Variants in FCRL5 observed in about 807,000 individuals in gnomAD.
FCRL5 encodes the protein Fc receptor-like protein 5.
Under a neutral mutation model 92.1 loss-of-function variants are expected in FCRL5, and 79 were observed. That is an observed-to-expected ratio of 0.86 (90% CI 0.72 to 1.03). FCRL5 has a LOEUF of 1.03. Among genes scored for constraint, FCRL5 ranks in the 50% least tolerant of loss-of-function variants. The pLI is 0.00. For synonymous variants in FCRL5, 466 were observed against 469.3 expected, an observed-to-expected ratio of 0.99 and a Z score of 0.09; for missense variants, 1,160 against 1,181.1, an observed-to-expected ratio of 0.98 and a Z score of 0.26.
chr1:157,525,477 G>A (rs748443569), intron 9 of FCRL5, among the ~76,000 whole-genome samples: 9 of 152,208 alleles, frequency 5.9e-5, no homozygotes, highest in Non-Finnish European at 1.3e-4. Context: ...GCCATGAAAG[G>A]ATTTTGATCC....
At chr1:157,543,532 A>G (rs1651371236) in intron 5 of FCRL5, among the ~76,000 whole-genome samples, 1 of 152,192 alleles carries the variant, frequency 6.6e-6, no homozygotes, top group Non-Finnish European at 1.5e-5. Context: ...AGGAGAGACT[A>G]GGAGACCTGC....
intron 8 of FCRL5, chr1:157,528,605 A>G (rs1650548131): frequency 6.6e-6 from 1 of 152,274 alleles, no homozygotes; most frequent in Non-Finnish European, 1.5e-5. Context: ...TGGTACTGGT[A>G]TAAAAACAGA....
chr1:157,539,098 G>C lies in FCRL5; in HGVS notation c.1390C>G (p.Leu464Val). ...ACCCAGGGCTTACCAGTGACGGAGA[G>C]GCTCACCGCCTTACTGCGCTGGGGG... ...FGPQRSKAVSLSVTVPVSHPV... is the reference protein window; with the variant it reads ...FGPQRSKAVSVSVTVPVSHPV... The change falls in exon 7 of 17, where the codon CTC (leucine) becomes GTC (valine). Residue 464 changes from leucine (L) to valine (V), a missense_variant. Transcript: ENST00000361835. 5 of 1,613,438 alleles carry C rather than the reference G, an allele frequency of 3.1e-6. No individual in the cohort carries two copies. Among genetic ancestry groups the C allele is most frequent in the Non-Finnish European group, 4.2e-6 (5 of 1,179,806 alleles).
intron 15 of FCRL5, 112 bp from the exon 16 acceptor site, chr1:157,515,985 C>A (rs11800422): frequency 1.7e-6 from 2 of 1,147,418 alleles, no homozygotes; most frequent in Non-Finnish European, 2.6e-6. Context: ...TCCCTCTGTG[C>A]GGTGAGTAGC....
At chr1:157,519,209 G>C (rs185681672) in intron 13 of FCRL5, 1 of 174,582 alleles carries the variant, frequency 5.7e-6, no homozygotes, top group Non-Finnish European at 1.2e-5. Flanking sequence ...GCTATCGTGG[G>C]CTTGCCCAGG....
intron 15 of FCRL5, 57 bp from the exon 16 acceptor site, chr1:157,515,930 T>C (rs1002967): frequency 0.99 from 1,594,756 of 1,604,178 alleles, 793,117 homozygotes; most frequent in East Asian, 1. Flanking sequence ...TCTTCCCTTG[T>C]GCCTGCGCTG....
rs781497626 is a variant in FCRL5 at position 157,515,582 on chromosome 1, G to A, written c.*93C>T. On this transcript the variant is annotated 3_prime_UTR_variant, in exon 17 of 17. Transcript: ENST00000361835. ...CAAAGGCCAGTAGATATGGTCTGGG[G>A]CAGCCTAAATCTTCCCACTTCAATG... is the stretch of plus-strand genomic sequence containing the variant. 6.2e-7 allele frequency: 1 copy of A among 1,612,658 alleles called. No individual in the cohort carries two copies. The highest frequency in any genetic ancestry group is 2.2e-5 in the East Asian group (1 of 44,886).
At chr1:157,536,841 G>A (rs1388180496) in intron 7 of FCRL5, among the ~76,000 whole-genome samples, 1 of 152,196 alleles carries the variant, frequency 6.6e-6, no homozygotes, top group African/African-American at 2.4e-5. Flanking sequence ...AAGATTTCAT[G>A]GACATTTATT....
intron 7 of FCRL5, among the ~76,000 whole-genome samples, chr1:157,538,170 T>G (rs1218350564): frequency 6.6e-6 from 1 of 152,238 alleles, no homozygotes; most frequent in African/African-American, 2.4e-5. Context: ...TTAGGAGTAC[T>G]GTTCTTTTTC....
intron 8 of FCRL5, chr1:157,533,260 G>C (rs762934367): frequency 6.6e-6 from 1 of 151,850 alleles, no homozygotes; most frequent in Non-Finnish European, 1.5e-5. Context: ...ATTTTCTGAG[G>C]GTCTCCATTT....
chr1:157,551,110 C>T (rs749433315), intron 1 of FCRL5, among the ~76,000 whole-genome samples: 3 of 152,190 alleles, frequency 2.0e-5, no homozygotes, highest in East Asian at 1.9e-4. Flanking sequence ...TCTGCATTTA[C>T]GTAGGTTATT....
rs1650094754 is a variant in FCRL5, at chr1:157,519,789, G to A, written c.2633-19C>T. On this transcript the variant is annotated intron_variant, in intron 12 of 16. Transcript: ENST00000361835. The stretch of plus-strand genomic sequence containing the variant: ...TTTCTCCCTGTAAAGGAAAGCAGAG[G>A]AGCATTGGATTCAGGAAGATGAGAC... 2 of 1,613,748 alleles carry A rather than the reference G, an allele frequency of 1.2e-6. No individual in the cohort carries two copies. The highest frequency in any genetic ancestry group is 1.7e-6 in the Non-Finnish European group (2 of 1,179,912).
rs777911806 is a variant in FCRL5, at chr1:157,534,735, G to A, written c.1560C>T (p.Pro520=). Residue 520 remains proline, a synonymous_variant, in exon 8 of 17, where the codon CCC becomes CCT. Coordinates refer to ENST00000361835, the MANE Select transcript of FCRL5 (RefSeq NM_031281.3). ...AGCTGAAGGACACTCTTCCCACAGAGGGTGTTGAGCTGCTCCACAGGGGCA... is the reference window on the plus strand; with the variant it reads ...AGCTGAAGGACACTCTTCCCACAGAAGGTGTTGAGCTGCTCCACAGGGGCA... The part of the protein sequence containing the change: ...EDMPLWSSST[P]SVGRVSFSFS... The A allele has an allele frequency of 1.2e-6, 2 of 1,614,124 alleles. No individual in the cohort carries two copies. Among genetic ancestry groups the A allele is most frequent in the Admixed American group, 1.7e-5 (1 of 60,016 alleles).
In FCRL5 at chr1:157,549,576, A is replaced by C. The variant is rs1367054960; in HGVS notation, c.36T>G (p.Pro12=). The C allele has an allele frequency of 6.2e-7, 1 of 1,612,086 alleles. No homozygotes were observed. The highest frequency in any genetic ancestry group is 8.5e-7 in the Non-Finnish European group (1 of 1,179,272). ...LLWVILLVLA[P]VSGQFARTPR... ...AGAACTCACCAAACTGTCCACTGAC[A>C]GGAGCTGCAAAAAAATAAGAGCCAG... Residue 12 remains proline (P), a synonymous_variant, in exon 2 of 17, where the codon CCT becomes CCG. Coordinates refer to ENST00000361835, the MANE Select transcript of FCRL5 (RefSeq NM_031281.3).
Position 157,524,564 on chromosome 1 carries a change from G to A in FCRL5, c.1961-7C>T. ...ATGGGACGAGATACTGGAACTGAGG[G>A]AGGAAAAACGTTATGTATCAGCTGC... is the stretch of plus-strand genomic sequence containing the variant. On this transcript the variant is annotated splice_polypyrimidine_tract_variant and splice_region_variant and intron_variant, in intron 9 of 16. Coordinates refer to ENST00000361835, the MANE Select transcript of FCRL5 (RefSeq NM_031281.3). 1.3e-6 allele frequency: 2 copies of A among 1,567,170 alleles called. 1 individual carries two copies.
Position 157,518,752 on chromosome 1 carries a change from G to A in FCRL5, c.2691C>T (p.Pro897=). The A allele has an allele frequency of 6.2e-7, 1 of 1,613,374 alleles. No homozygotes were observed. Among genetic ancestry groups the A allele is most frequent in the Non-Finnish European group, 8.5e-7 (1 of 1,179,872 alleles). Residue 897 remains proline (P), a synonymous_variant, in exon 14 of 17, where the codon CCC becomes CCT. Transcript: ENST00000361835. The stretch of plus-strand genomic sequence containing the variant: ...CCCAGGCTGGTACATTGTGATAGGT[G>A]GGCTCTTGGGAGTCCGAGTCTGAAG... The part of the protein sequence containing the change: ...RSPSDSDSQE[P]TYHNVPAWEE...
chr1:157,519,820 G>A lies in FCRL5; in HGVS notation c.2633-50C>T, dbSNP rs773914175. The A allele has an allele frequency of 3.8e-6, 6 of 1,586,136 alleles. 1 individual carries two copies. The Admixed American group carries it at 1.0e-4, about 26-fold the overall frequency. ...TGGATTCAGGAAGATGAGACCCTCA[G>A]TGGGGCACAGCTCAGGCAAGGCTCA... On this transcript the variant is annotated intron_variant, in intron 12 of 16. Transcript: ENST00000361835.
At chr1:157,546,423 G>A in intron 3 of FCRL5, 3 of 272,108 alleles carry the variant, frequency 1.1e-5, no homozygotes, top group African/African-American at 2.3e-5. Context: ...ACTCCAGCCT[G>A]GGTGACAGAG....
Position 157,521,501 on chromosome 1 carries a change from G to A in FCRL5, c.2240-209C>T, listed in dbSNP as rs575208389. 327 of 520,992 alleles carry A rather than the reference G, an allele frequency of 6.3e-4. 1 individual carries two copies. Among genetic ancestry groups the A allele is most frequent in the African/African-American group, 5.1e-3 (266 of 51,974 alleles). The allele number at this position is 520,992 out of a possible 1,614,324, so 32.3% of individuals were successfully genotyped here. A position where few individuals can be genotyped will look rare whatever the true frequency, so the allele number is the denominator to read the frequency against. On this transcript the variant is annotated intron_variant, in intron 10 of 16. Coordinates refer to ENST00000361835, the MANE Select transcript of FCRL5 (RefSeq NM_031281.3). Reference sequence around the variant, plus strand: ...AACTGTAAAAAGTGTATAAATCACTGAAAACTTCAAATAGACAATAAATAT... The same window carrying A: ...AACTGTAAAAAGTGTATAAATCACTAAAAACTTCAAATAGACAATAAATAT...
Sources: allele counts gnomAD v4.1 joint callset (sites outside exome capture counted in the v4.1 genomes callset), GRCh38; gene constraint gnomAD v4.1.1; transcripts MANE v1.5; gene names NCBI Gene and HGNC (gene_info 2026-07-23, HGNC 2026-07-21).